The following PCLO variants were observed in gnomAD, a reference collection of about 807,000 sequenced individuals.
The protein encoded by PCLO is protein piccolo.
In PCLO, 82 loss-of-function variants were observed where a neutral mutation model predicts 427.5. The ratio of observed to expected loss-of-function variants is 0.19; its 90% CI spans 0.16 to 0.23. PCLO has a LOEUF of 0.23. Ranked by LOEUF, PCLO falls within the 10% of genes least tolerant of loss-of-function variation. The probability of loss-of-function intolerance (pLI) is 1.00; values close to 1 mark genes in which losing one functional copy is unlikely to be tolerated. For synonymous variants in PCLO, 2,357 were observed against 2,155.4 expected (o/e 1.09, Z -2.59); for missense variants, 6,239 against 6,115.9 (o/e 1.02, Z -0.67).
chr7:82,916,094 C>T lies in PCLO; in HGVS notation c.11892G>A (p.Arg3964=). ...TGGGCTCCAAATATAATGTAGTTTG[C>T]CGTGGCTTCTGTTGTATCACCATCA... The part of the protein sequence containing the change: ...SQMMVIQQKP[R]QTTLYLEPKI... The change falls in exon 7 of 25, where the codon CGG becomes CGA. Residue 3964 remains arginine, a synonymous_variant. Transcript: ENST00000333891. 5.6e-6 allele frequency: 9 copies of T among 1,613,476 alleles called. No individual in the cohort carries two copies. Among genetic ancestry groups the T allele is most frequent in the Non-Finnish European group, 7.6e-6 (9 of 1,179,750 alleles).
intron 3 of PCLO, among the ~76,000 whole-genome samples, chr7:82,985,031 G>A (rs1796228076): frequency 6.6e-6 from 1 of 151,850 alleles, no homozygotes; most frequent in African/African-American, 2.4e-5. Flanking sequence ...TTCCTAAACT[G>A]GAATGTTTTC....
intron 3 of PCLO, among the ~76,000 whole-genome samples, chr7:82,988,629 T>C (rs10954697): frequency 0.75 from 114,051 of 151,640 alleles, 43,456 homozygotes; most frequent in East Asian, 0.92. Flanking sequence ...AGTAATATTA[T>C]ATTAAAACAT....
rs544516132 is a variant in PCLO at position 82,965,316 on chromosome 7, CT to C, written c.4017+454del. On this transcript the variant is annotated intron_variant, in intron 4 of 24. Transcript: ENST00000333891. ...TTCCTTTTTTCTTTTTTCTTTCTTTCTTTTTTTTTTTTTTTGCAATCACTTT... is the reference window on the plus strand; with the variant it reads ...TTCCTTTTTTCTTTTTTCTTTCTTTCTTTTTTTTTTTTTTGCAATCACTTT... Among the ~76,000 whole-genome samples the C allele has an allele frequency of 2.6e-3, 324 of 122,920 alleles. 2 individuals carry two copies. In the South Asian group the frequency reaches 0.027, roughly 10 times the overall value. The allele number at this position is 122,920 out of a possible 152,430, so 80.6% of individuals were successfully genotyped here.
chr7:83,043,892 A>T (rs563296061), intron 3 of PCLO, among the ~76,000 whole-genome samples: 3 of 146,386 alleles, frequency 2.0e-5, no homozygotes, highest in Non-Finnish European at 4.5e-5. Context: ...GCCTTAACTC[A>T]ATCTTATTAC....
At chr7:82,932,045 C>T (rs184160833) in intron 6 of PCLO, among the ~76,000 whole-genome samples, 39 of 152,096 alleles carry the variant, frequency 2.6e-4, no homozygotes, top group Non-Finnish European at 4.6e-4. Context: ...ATGTCTTCAC[C>T]GTGATGTAGG....
intron 3 of PCLO, among the ~76,000 whole-genome samples, chr7:83,000,936 C>T (rs1787808474): frequency 6.6e-6 from 1 of 151,604 alleles, no homozygotes; most frequent in Admixed American, 6.6e-5. Context: ...ATTTTTTTTA[C>T]CAGTATCTAG....
intron 3 of PCLO, among the ~76,000 whole-genome samples, chr7:82,973,480 T>A (rs1168594976): frequency 6.6e-6 from 1 of 152,178 alleles, no homozygotes; most frequent in Non-Finnish European, 1.5e-5. Flanking sequence ...CATAAAATAC[T>A]AATTTCCAGT....
intron 3 of PCLO, among the ~76,000 whole-genome samples, chr7:83,069,305 ACT>A (rs1789746834): frequency 1.3e-5 from 2 of 152,230 alleles, no homozygotes; most frequent in South Asian, 4.1e-4. Flanking sequence ...TCCTGTGAAT[ACT>A]GTATCATTGA....
Position 83,155,281 on chromosome 7 carries a change from C to T in PCLO, c.1360G>A (p.Ala454Thr), listed in dbSNP as rs919987539. The T allele has an allele frequency of 2.0e-5, 33 of 1,613,678 alleles. No individual in the cohort carries two copies. Among genetic ancestry groups the T allele is most frequent in the Non-Finnish European group, 2.8e-5 (33 of 1,179,812 alleles). The change falls in exon 2 of 25, where the codon GCA (alanine) becomes ACA (threonine). Residue 454 changes from alanine to threonine, a missense_variant. By Grantham distance (58) the Ala-to-Thr change is moderately conservative. Transcript: ENST00000333891. ...TGGGCAGAAGTCTTTCCGGGTCCTG[C>T]CTGTTGAGCTGGAATCTTTCCTGGC... Reference protein sequence around the residue: ...PGPGKIPAQQAGPGKTSAQQT... With the variant: ...PGPGKIPAQQTGPGKTSAQQT...
At chr7:82,928,660 C>A (rs1372037069) in intron 6 of PCLO, among the ~76,000 whole-genome samples, 2 of 152,130 alleles carry the variant, frequency 1.3e-5, no homozygotes, top group African/African-American at 4.8e-5. Context: ...CAGGCATGAG[C>A]CACCGCGCCT....
At chr7:83,145,957 T>C (rs1377684551) in intron 2 of PCLO, among the ~76,000 whole-genome samples, 1 of 152,182 alleles carries the variant, frequency 6.6e-6, no homozygotes, top group Non-Finnish European at 1.5e-5. Flanking sequence ...TCAAGAGGGA[T>C]GGCAGACTTC....
intron 10 of PCLO, among the ~76,000 whole-genome samples, chr7:82,875,625 C>T (rs2116019444): frequency 6.6e-6 from 1 of 152,040 alleles, no homozygotes; most frequent in Middle Eastern, 3.4e-3. Flanking sequence ...TTTCCCAAAG[C>T]CAACATAGTC....
chr7:82,772,771 G>C (rs374908121), intron 22 of PCLO, among the ~76,000 whole-genome samples: 1 of 151,854 alleles, frequency 6.6e-6, no homozygotes, highest in East Asian at 1.9e-4. Flanking sequence ...TTTGGTATGT[G>C]CTTCTTAGCA....
chr7:82,846,379 C>A (rs1270872625), intron 12 of PCLO, among the ~76,000 whole-genome samples, 188 bp downstream of exon 12: 5 of 152,090 alleles, frequency 3.3e-5, no homozygotes, highest in African/African-American at 1.2e-4. Context: ...AGAATGCTAA[C>A]ACTGTAGCTA....
intron 16 of PCLO, among the ~76,000 whole-genome samples, chr7:82,830,733 C>A (rs1243038303): frequency 1.3e-5 from 2 of 151,916 alleles, no homozygotes; most frequent in Admixed American, 1.3e-4. Context: ...GAATTAATAT[C>A]AAATGCAAAC....
At chr7:82,773,058 G>C (rs901945473) in intron 22 of PCLO, among the ~76,000 whole-genome samples, 1 of 152,102 alleles carries the variant, frequency 6.6e-6, no homozygotes, top group African/African-American at 2.4e-5. Context: ...CAAGCTTAAC[G>C]AAACAAGGTT....
chr7:82,950,835 G>A lies in PCLO; in HGVS notation c.9753C>T (p.Ile3251=). 6.2e-7 allele frequency: 1 copy of A among 1,613,628 alleles called. No homozygotes were observed. The highest frequency in any genetic ancestry group is 1.3e-5 in the African/African-American group (1 of 75,026). The change falls in exon 6 of 25, where the codon ATC becomes ATT. Residue 3251 remains isoleucine (I), a synonymous_variant. Coordinates refer to ENST00000333891, the MANE Select transcript of PCLO (RefSeq NM_033026.6). ...EIQRFREQEK[I]MVQKKLEELQ... is the part of the protein sequence containing the mutation. Reference sequence around the variant, plus strand: ...GCTCCTCCAACTTTTTCTGAACCATGATCTTTTCTTGTTCTCGGAACCTTT... The same window carrying A: ...GCTCCTCCAACTTTTTCTGAACCATAATCTTTTCTTGTTCTCGGAACCTTT...
intron 3 of PCLO, among the ~76,000 whole-genome samples, chr7:83,076,202 T>G (rs939192725): frequency 2.6e-5 from 4 of 151,940 alleles, no homozygotes; most frequent in Non-Finnish European, 5.9e-5. Context: ...CATTATATTC[T>G]CATAATTTAT....
At chr7:83,081,134 T>G (rs935550406) in intron 3 of PCLO, among the ~76,000 whole-genome samples, 1 of 151,960 alleles carries the variant, frequency 6.6e-6, no homozygotes, top group Non-Finnish European at 1.5e-5. Flanking sequence ...TCTGACAAAG[T>G]AGAAAAATAA....
Sources: allele counts gnomAD v4.1 joint callset (sites outside exome capture counted in the v4.1 genomes callset), GRCh38; gene constraint gnomAD v4.1.1; transcripts MANE v1.5; gene names NCBI Gene and HGNC (gene_info 2026-07-23, HGNC 2026-07-21).